HECW2: variants seen among roughly 807,000 people sequenced by gnomAD.
HECW2 encodes HECT, C2 and WW domain containing E3 ubiquitin protein ligase 2.
HECW2 carries 61 observed loss-of-function variants against 175.2 expected under a neutral mutation model. The observed-to-expected ratio is 0.35, with a 90% CI of 0.28 to 0.43. The LOEUF (loss-of-function observed/expected upper bound fraction) is 0.43. Ranked by LOEUF, HECW2 falls within the 20% of genes least tolerant of loss-of-function variation. The probability of loss-of-function intolerance (pLI) is 1.00; values close to 1 mark genes in which losing one functional copy is unlikely to be tolerated. For synonymous variants in HECW2, 671 were observed against 731.0 expected (o/e 0.92, Z 1.32); for missense variants, 1,524 against 2,000.5 (o/e 0.76, Z 4.54).
chr2:196,405,737 G>A (rs952490590), intron 2 of HECW2, among the ~76,000 whole-genome samples: 1 of 151,828 alleles, frequency 6.6e-6, no homozygotes, highest in Non-Finnish European at 1.5e-5. Context: ...TTCTCCAGTA[G>A]GCATTCCCCA....
In HECW2 at chr2:196,278,422, A is replaced by C. The variant is rs1690059081; in HGVS notation, c.3135+106T>G. The stretch of plus-strand genomic sequence containing the variant: ...CAGCCTCTAAATCAAACTCAAAAAA[A>C]AAAAAAAGAAAAAATGCTTTAAAAA... On this transcript the variant is annotated intron_variant, in intron 15 of 28. Coordinates refer to ENST00000644978, the MANE Select transcript of HECW2 (RefSeq NM_001348768.2). 2.2e-6 allele frequency: 3 copies of C among 1,360,742 alleles called. No homozygotes were observed. The Admixed American group carries it at 7.0e-5, about 32-fold the overall frequency. 84.3% of individuals were successfully genotyped at this position (1,360,742 alleles called of 1,614,324 possible). A position where few individuals can be genotyped will look rare whatever the true frequency, so the allele number is the denominator to read the frequency against.
At chr2:196,360,639 C>G (rs1312633782) in intron 2 of HECW2, among the ~76,000 whole-genome samples, 3 of 152,156 alleles carry the variant, frequency 2.0e-5, no homozygotes, top group Admixed American at 1.3e-4. Flanking sequence ...CAACAAACTC[C>G]TGTGACACAA....
At chr2:196,323,901 TTTTTTTGTTTTTTGTTTG>T (rs1692042065) in intron 6 of HECW2, among the ~76,000 whole-genome samples, 1 of 119,986 alleles carries the variant, frequency 8.3e-6, no homozygotes, top group African/African-American at 4.0e-5. Context: ...CCTTAAGAGT[TTTTTTTGTTTTTTGTTTG>T]TTTTTTTTTT....
intron 26 of HECW2, chr2:196,217,756 G>A (rs1206329439): frequency 6.6e-6 from 1 of 152,048 alleles, no homozygotes; most frequent in Non-Finnish European, 1.5e-5. Flanking sequence ...AATGTCAAAG[G>A]AATCACCTCA....
chr2:196,409,766 A>C (rs1016780626), intron 2 of HECW2, among the ~76,000 whole-genome samples: 3 of 152,178 alleles, frequency 2.0e-5, no homozygotes, highest in Non-Finnish European at 4.4e-5. Context: ...CCCTCTAGGT[A>C]TGAGGGCAGG....
intron 14 of HECW2, chr2:196,291,857 A>G (rs1210800145): frequency 6.6e-6 from 1 of 152,254 alleles, no homozygotes; most frequent in Non-Finnish European, 1.5e-5. Context: ...TAGGTACTAC[A>G]TAAGAGTTAA....
chr2:196,501,097 G>A (rs1029661631), intron 1 of HECW2, among the ~76,000 whole-genome samples: 1 of 152,146 alleles, frequency 6.6e-6, no homozygotes, highest in Non-Finnish European at 1.5e-5. Flanking sequence ...GATTATAATG[G>A]CAGAAATACA....
intron 4 of HECW2, among the ~76,000 whole-genome samples, chr2:196,330,649 C>T (rs780897232): frequency 1.3e-5 from 2 of 152,064 alleles, no homozygotes; most frequent in Non-Finnish European, 2.9e-5. Flanking sequence ...GATATCAGAT[C>T]GAACTCCTCA....
chr2:196,487,063 C>T (rs752412162), intron 1 of HECW2, among the ~76,000 whole-genome samples: 29 of 150,970 alleles, frequency 1.9e-4, no homozygotes, highest in Non-Finnish European at 3.7e-4. Flanking sequence ...GCAGGAGAAT[C>T]GCTTGAACCC....
At chr2:196,397,354 G>A (rs1694700670) in intron 2 of HECW2, among the ~76,000 whole-genome samples, 1 of 152,054 alleles carries the variant, frequency 6.6e-6, no homozygotes, top group Non-Finnish European at 1.5e-5. Flanking sequence ...ATCTGGAAGG[G>A]CTTACTGACA....
rs1442333513 is a variant in HECW2, at chr2:196,503,889, C to T, written c.-35-70431G>A. Among the ~76,000 whole-genome samples the T allele has an allele frequency of 1.4e-4, 22 of 152,292 alleles. No individual in the cohort carries two copies. In the East Asian group the frequency reaches 4.2e-3, roughly 29 times the overall value. Reference sequence around the variant, plus strand: ...AGTACTTTTCCCACCACAGGCTTTACTGTGCTCCTTGTGAGACTTCCAACT... The same window carrying T: ...AGTACTTTTCCCACCACAGGCTTTATTGTGCTCCTTGTGAGACTTCCAACT... On this transcript the variant is annotated intron_variant, in intron 1 of 28. Transcript: ENST00000644978.
intron 2 of HECW2, among the ~76,000 whole-genome samples, chr2:196,366,398 T>C (rs865887092): frequency 6.6e-6 from 1 of 152,228 alleles, no homozygotes; most frequent in Middle Eastern, 3.2e-3. Flanking sequence ...GGAATGTCCA[T>C]TCAAGCCAAA....
At chr2:196,477,994 G>A (rs938981467) in intron 1 of HECW2, among the ~76,000 whole-genome samples, 2 of 152,192 alleles carry the variant, frequency 1.3e-5, no homozygotes, top group Admixed American at 6.5e-5. Flanking sequence ...GGAGGTTGCA[G>A]TGAGCCGAGA....
chr2:196,349,800 T>C (rs1449656967), intron 2 of HECW2, among the ~76,000 whole-genome samples: 2 of 152,172 alleles, frequency 1.3e-5, no homozygotes, highest in African/African-American at 4.8e-5. Flanking sequence ...CCTCTTCTAC[T>C]AACTATATAA....
chr2:196,218,540 G>A (rs542360175), intron 26 of HECW2, among the ~76,000 whole-genome samples: 10 of 152,268 alleles, frequency 6.6e-5, no homozygotes, highest in South Asian at 2.1e-4. Context: ...GGGTCCGGGC[G>A]TGGTGGCTTA....
intron 1 of HECW2, among the ~76,000 whole-genome samples, chr2:196,497,528 G>C (rs1308694007): frequency 2.0e-5 from 3 of 152,256 alleles, no homozygotes; most frequent in African/African-American, 7.2e-5. Flanking sequence ...TCGGGATCCA[G>C]AAAACAATAC....
At chr2:196,471,427 A>C (rs1361619558) in intron 1 of HECW2, among the ~76,000 whole-genome samples, 1 of 152,184 alleles carries the variant, frequency 6.6e-6, no homozygotes, top group African/African-American at 2.4e-5. Flanking sequence ...AAGAACTTAA[A>C]ACAGAATTAT....
At chr2:196,347,560 C>G (rs1263609640) in intron 2 of HECW2, among the ~76,000 whole-genome samples, 1 of 152,072 alleles carries the variant, frequency 6.6e-6, no homozygotes, top group Non-Finnish European at 1.5e-5. Flanking sequence ...CCTTTGAAGC[C>G]AAATGGGTAA....
intron 5 of HECW2, among the ~76,000 whole-genome samples, chr2:196,326,020 C>T (rs2105780183): frequency 6.6e-6 from 1 of 152,232 alleles, no homozygotes; most frequent in East Asian, 1.9e-4. Context: ...ATAAGATAGG[C>T]CTGGGAGCTA....
Sources: allele counts gnomAD v4.1 joint callset (sites outside exome capture counted in the v4.1 genomes callset), GRCh38; gene constraint gnomAD v4.1.1; transcripts MANE v1.5; gene names NCBI Gene and HGNC (gene_info 2026-07-23, HGNC 2026-07-21).